The following STK32B variants were observed in gnomAD, a reference collection of about 807,000 sequenced individuals.
The protein encoded by STK32B is serine/threonine-protein kinase 32B.
A neutral mutation model predicts 52.6 loss-of-function variants in STK32B; 43 were observed. The observed-to-expected ratio is 0.82, with a 90% CI of 0.64 to 1.05. STK32B has a LOEUF of 1.05. STK32B is among the 50% of genes least tolerant of loss of function. STK32B has a pLI of 0.00. For synonymous variants in STK32B, 238 were observed against 204.3 expected (o/e 1.17, Z -1.41); for missense variants, 621 against 534.6 (o/e 1.16, Z -1.59).
At chr4:5,137,020 C>T (rs552927044) in intron 1 of STK32B, among the ~76,000 whole-genome samples, 1 of 152,322 alleles carries the variant, frequency 6.6e-6, no homozygotes, top group South Asian at 2.1e-4. Flanking sequence ...GGAATATTTA[C>T]AATGTTATAA....
At position 5,219,272 on chromosome 4, in the gene STK32B, C is replaced by G. The variant is rs376731125; in HGVS notation, c.260+50822C>G. Among the ~76,000 whole-genome samples the G allele has an allele frequency of 8.2e-4, 125 of 152,314 alleles. 2 individuals carry two copies. The highest frequency in any genetic ancestry group is 2.7e-3 in the African/African-American group (112 of 41,578). ...TCTGGAGGCCCTGGGTGGCCAGGCC[C>G]CCTCATGGGAAAGGACTGGGCATCC... On this transcript the variant is annotated intron_variant, in intron 3 of 11. Coordinates refer to ENST00000282908, the MANE Select transcript of STK32B (RefSeq NM_018401.3).
At chr4:5,086,184 CT>C (rs972624804) in intron 1 of STK32B, among the ~76,000 whole-genome samples, 2 of 152,166 alleles carry the variant, frequency 1.3e-5, no homozygotes, top group African/African-American at 4.8e-5. Context: ...CATGCCCAGG[CT>C]TGTGCACCTG....
chr4:5,355,896 C>T (rs962146415), intron 4 of STK32B, among the ~76,000 whole-genome samples: 2 of 152,174 alleles, frequency 1.3e-5, no homozygotes, highest in African/African-American at 4.8e-5. Context: ...AGCCCTAAAC[C>T]TTGATGAAGA....
chr4:5,485,539 C>T (rs1221077435), intron 11 of STK32B, among the ~76,000 whole-genome samples: 3 of 152,154 alleles, frequency 2.0e-5, no homozygotes, highest in East Asian at 1.9e-4. Flanking sequence ...CAAACTTCCT[C>T]CTTTAGCTCG....
chr4:5,107,793 C>T (rs1024445991), intron 1 of STK32B, among the ~76,000 whole-genome samples: 2 of 152,046 alleles, frequency 1.3e-5, no homozygotes, highest in Non-Finnish European at 2.9e-5. Context: ...CAGTGTTATC[C>T]AATGAGTTTT....
chr4:5,314,813 G>A (rs1730555351), intron 3 of STK32B, among the ~76,000 whole-genome samples: 1 of 151,836 alleles, frequency 6.6e-6, no homozygotes, highest in Admixed American at 6.6e-5. Flanking sequence ...AATTTGCAGG[G>A]TATTTTAAAA....
intron 3 of STK32B, among the ~76,000 whole-genome samples, chr4:5,195,057 G>T (rs73093673): frequency 0.082 from 12,501 of 151,984 alleles, 1,372 homozygotes; most frequent in African/African-American, 0.25. Context: ...AAAGTGTGTG[G>T]TTTTTTTCTT....
At chr4:5,439,099 G>C (rs1417411599) in intron 6 of STK32B, among the ~76,000 whole-genome samples, 1 of 146,686 alleles carries the variant, frequency 6.8e-6, no homozygotes, top group South Asian at 2.3e-4. Context: ...ATGATTTATA[G>C]TCCTTTGGGT....
At chr4:5,137,548 TGTA>T (rs1417945038) in intron 1 of STK32B, among the ~76,000 whole-genome samples, 2 of 152,164 alleles carry the variant, frequency 1.3e-5, no homozygotes, top group African/African-American at 4.8e-5. Flanking sequence ...TTTGAAAGGT[TGTA>T]GTGTGCCAGG....
chr4:5,412,630 C>G (rs941618342), intron 5 of STK32B, among the ~76,000 whole-genome samples: 1 of 152,202 alleles, frequency 6.6e-6, no homozygotes, highest in Admixed American at 6.5e-5. Flanking sequence ...GGCCCCAACA[C>G]TAGTGACTGG....
intron 1 of STK32B, among the ~76,000 whole-genome samples, chr4:5,128,677 C>T (rs1405219517): frequency 6.6e-6 from 1 of 152,214 alleles, no homozygotes; most frequent in Non-Finnish European, 1.5e-5. Flanking sequence ...GGCAGTGCCT[C>T]AGGCACATGG....
intron 3 of STK32B, among the ~76,000 whole-genome samples, chr4:5,183,995 A>G (rs78408785): frequency 0.026 from 3,947 of 152,282 alleles, 161 homozygotes; most frequent in African/African-American, 0.09. Flanking sequence ...TCTCCGTATC[A>G]GCAGTTAGGC....
chr4:5,156,582 C>T (rs967441773), intron 2 of STK32B, among the ~76,000 whole-genome samples: 2 of 152,110 alleles, frequency 1.3e-5, no homozygotes, highest in South Asian at 4.1e-4. Flanking sequence ...AGCAGGGCTT[C>T]GTTATTTCTG....
intron 11 of STK32B, among the ~76,000 whole-genome samples, chr4:5,495,601 T>G (rs1720162498): frequency 6.6e-6 from 1 of 152,226 alleles, no homozygotes; most frequent in African/African-American, 2.4e-5. Context: ...CCCTCCAGCT[T>G]TGTTCCGTTG....
chr4:5,178,874 C>T (rs1720130990), intron 3 of STK32B, among the ~76,000 whole-genome samples: 1 of 152,160 alleles, frequency 6.6e-6, no homozygotes, highest in African/African-American at 2.4e-5. Flanking sequence ...TCCAACTTTC[C>T]CACATCTTCC....
At chr4:5,421,715 G>A (rs1350526203) in intron 6 of STK32B, among the ~76,000 whole-genome samples, 1 of 152,186 alleles carries the variant, frequency 6.6e-6, no homozygotes, top group Non-Finnish European at 1.5e-5. Context: ...ACCCAGCTGG[G>A]CACTCTCCTC....
At chr4:5,293,889 C>T (rs953802042) in intron 3 of STK32B, among the ~76,000 whole-genome samples, 27 of 152,188 alleles carry the variant, frequency 1.8e-4, no homozygotes, top group African/African-American at 6.0e-4. Flanking sequence ...ATGGTATTGC[C>T]TAGGTTTTCT....
intron 1 of STK32B, among the ~76,000 whole-genome samples, chr4:5,065,248 A>G (rs1331193804): frequency 6.6e-6 from 1 of 152,250 alleles, no homozygotes; most frequent in African/African-American, 2.4e-5. Flanking sequence ...ACTACTAAGT[A>G]GAGTCAAAGA....
the STK32B span, among the ~76,000 whole-genome samples, chr4:5,028,322 T>TTTTCTTGGATGATTTTCTA: frequency 6.6e-6 from 1 of 152,214 alleles, no homozygotes; most frequent in Non-Finnish European, 1.5e-5. Context: ...ACTTAGTTAC[T>TTTTCTTGGATGATTTTCTA]TTTCTTGGAT....
Sources: allele counts gnomAD v4.1 joint callset (sites outside exome capture counted in the v4.1 genomes callset), GRCh38; gene constraint gnomAD v4.1.1; transcripts MANE v1.5; gene names NCBI Gene and HGNC (gene_info 2026-07-23, HGNC 2026-07-21).